ADCY1: variants seen among roughly 807,000 people sequenced by gnomAD.
ADCY1 encodes the protein adenylate cyclase 1, also known as adenylate cyclase type 1.
Under a neutral mutation model 105.4 loss-of-function variants are expected in ADCY1, and 28 were observed. The observed-to-expected ratio is 0.27, with a 90% CI of 0.20 to 0.36. The LOEUF is 0.36. Ranked by LOEUF, ADCY1 falls within the 10% of genes least tolerant of loss-of-function variation. The pLI is 1.00. For missense variants in ADCY1, 977 were observed against 1,434.2 expected, an observed-to-expected ratio of 0.68 and a Z score of 5.15; for synonymous variants, 655 against 623.8, an observed-to-expected ratio of 1.05 and a Z score of -0.75.
chr7:45,616,733 C>G (rs757127563), intron 3 of ADCY1, among the ~76,000 whole-genome samples: 3 of 152,158 alleles, frequency 2.0e-5, no homozygotes, highest in Admixed American at 6.5e-5. Flanking sequence ...AAACAAAAAG[C>G]CTTCCCTCTA....
chr7:45,596,209 A>G (rs1346048855), intron 2 of ADCY1, among the ~76,000 whole-genome samples: 1 of 152,252 alleles, frequency 6.6e-6, no homozygotes, highest in Non-Finnish European at 1.5e-5. Flanking sequence ...AGTCGTGAGC[A>G]TCTGCCTTTC....
chr7:45,649,736 C>G (rs1794759482), intron 5 of ADCY1, among the ~76,000 whole-genome samples: 3 of 152,204 alleles, frequency 2.0e-5, no homozygotes, highest in Admixed American at 6.5e-5. Context: ...GCATTGTGCC[C>G]ACTTCTGGCA....
At chr7:45,664,277 C>T in intron 8 of ADCY1, 1 of 1,535,874 alleles carries the variant, frequency 6.5e-7, no homozygotes, top group Non-Finnish European at 8.7e-7. Flanking sequence ...ACATCTGATG[C>T]CTCTCCTGTA....
intron 2 of ADCY1, among the ~76,000 whole-genome samples, chr7:45,594,350 C>CT (rs774663022): frequency 2.6e-4 from 40 of 152,212 alleles, no homozygotes; most frequent in Non-Finnish European, 5.3e-4. Flanking sequence ...GAGATATCTC[C>CT]TTTGTGCTTT....
intron 5 of ADCY1, among the ~76,000 whole-genome samples, chr7:45,652,475 G>T (rs1035409537): frequency 1.3e-5 from 2 of 152,214 alleles, no homozygotes; most frequent in South Asian, 2.1e-4. Context: ...CCAGAGCTGG[G>T]TCTTGATTTC....
chr7:45,677,075 T>G (rs1784470124), intron 8 of ADCY1, among the ~76,000 whole-genome samples: 1 of 152,108 alleles, frequency 6.6e-6, no homozygotes, highest in South Asian at 2.1e-4. Context: ...CACCCGACAC[T>G]GTTTTCCTTT....
chr7:45,631,337 T>G (rs1199136462), intron 4 of ADCY1, among the ~76,000 whole-genome samples: 1 of 152,242 alleles, frequency 6.6e-6, no homozygotes, highest in African/African-American at 2.4e-5. Context: ...TTGTCCTTAT[T>G]AGCATTATAA....
intron 8 of ADCY1, chr7:45,664,315 C>T (rs1795209816): frequency 1.3e-6 from 2 of 1,536,054 alleles, no homozygotes; most frequent in East Asian, 2.4e-5. Context: ...CACTGAGTGG[C>T]CTGGATGTCC....
At chr7:45,601,573 G>C (rs1184675308) in intron 2 of ADCY1, among the ~76,000 whole-genome samples, 1 of 152,042 alleles carries the variant, frequency 6.6e-6, no homozygotes, top group Non-Finnish European at 1.5e-5. Context: ...TCTCGATGGT[G>C]ATTTTACCTT....
chr7:45,714,046 G>T lies in ADCY1; in HGVS notation c.*51G>T, dbSNP rs890683751. 1.4e-6 allele frequency: 1 copy of T among 716,568 alleles called. No individual in the cohort carries two copies. The highest frequency in any genetic ancestry group is 2.6e-6 in the Non-Finnish European group (1 of 386,570). The allele number at this position is 716,568 out of a possible 1,614,324, so 44.4% of individuals were successfully genotyped here. ...GCACATGGGGTGGGAATGCTCCGGG[G>T]GTGACACAGGCCACGGTGGCTCCAG... On this transcript the variant is annotated 3_prime_UTR_variant, in exon 20 of 20. Coordinates refer to ENST00000297323, the MANE Select transcript of ADCY1 (RefSeq NM_021116.4).
At chr7:45,634,296 A>G (rs563533377) in intron 4 of ADCY1, among the ~76,000 whole-genome samples, 2 of 152,228 alleles carry the variant, frequency 1.3e-5, no homozygotes, top group African/African-American at 4.8e-5. Flanking sequence ...AAGAGCAGGC[A>G]TTCTTGTCTT....
At chr7:45,690,568 T>C (rs2116223103) in intron 14 of ADCY1, among the ~76,000 whole-genome samples, 1 of 152,336 alleles carries the variant, frequency 6.6e-6, no homozygotes, top group African/African-American at 2.4e-5. Context: ...CAGGACCCTG[T>C]TGGTAGAGTC....
At chr7:45,661,307 G>A (rs1193797443) in intron 7 of ADCY1, among the ~76,000 whole-genome samples, 1 of 152,046 alleles carries the variant, frequency 6.6e-6, no homozygotes, top group Non-Finnish European at 1.5e-5. Flanking sequence ...TTGTTGTTTT[G>A]AAGAGTGGAG....
chr7:45,716,486 C>G lies in ADCY1; in HGVS notation c.*2491C>G, dbSNP rs1042460235. 1 of 152,728 alleles carries G rather than the reference C, an allele frequency of 6.5e-6. No homozygotes were observed. The highest frequency in any genetic ancestry group is 2.4e-5 in the African/African-American group (1 of 41,440). 9.5% of individuals were successfully genotyped at this position (152,728 alleles called of 1,614,324 possible). A position where few individuals can be genotyped will look rare whatever the true frequency, so the allele number is the denominator to read the frequency against. ...CACTTCAGACAGGAGCCACAGGGAGCCTGTGAGGGAGTAGTGCGGTGGTGG... is the reference window on the plus strand; with the variant it reads ...CACTTCAGACAGGAGCCACAGGGAGGCTGTGAGGGAGTAGTGCGGTGGTGG... On this transcript the variant is annotated 3_prime_UTR_variant, in exon 20 of 20. Transcript: ENST00000297323.
chr7:45,653,001 G>A (rs1044222339), intron 5 of ADCY1, among the ~76,000 whole-genome samples: 1 of 152,184 alleles, frequency 6.6e-6, no homozygotes, highest in South Asian at 2.1e-4. Flanking sequence ...TCAAACTTGG[G>A]CTCTATTTAG....
intron 3 of ADCY1, among the ~76,000 whole-genome samples, chr7:45,621,098 A>G (rs992540448): frequency 6.6e-6 from 1 of 151,992 alleles, no homozygotes; most frequent in Non-Finnish European, 1.5e-5. Flanking sequence ...ACGGGGTTCC[A>G]CTGTGTCTCC....
At chr7:45,590,877 G>A (rs557826974) in intron 1 of ADCY1, among the ~76,000 whole-genome samples, 2 of 152,310 alleles carry the variant, frequency 1.3e-5, no homozygotes, top group South Asian at 4.1e-4. Context: ...GCCTTTGCCA[G>A]TGTGTGGTGT....
chr7:45,601,264 T>C (rs920474890), intron 2 of ADCY1, among the ~76,000 whole-genome samples: 3 of 152,060 alleles, frequency 2.0e-5, no homozygotes, highest in African/African-American at 7.2e-5. Context: ...TGCTCTTACT[T>C]GAACTGCATG....
At chr7:45,576,899 T>A (rs1488274193) in intron 1 of ADCY1, among the ~76,000 whole-genome samples, 1 of 152,138 alleles carries the variant, frequency 6.6e-6, no homozygotes, top group African/African-American at 2.4e-5. Context: ...GCTGGTGTAA[T>A]AAAAGGCTGC....
Sources: allele counts gnomAD v4.1 joint callset (sites outside exome capture counted in the v4.1 genomes callset), GRCh38; gene constraint gnomAD v4.1.1; transcripts MANE v1.5; gene names NCBI Gene and HGNC (gene_info 2026-07-23, HGNC 2026-07-21).